The following SFI1 variants were observed in gnomAD, a reference collection of about 807,000 sequenced individuals.
SFI1 encodes SFI1 centrin binding protein, also known as protein SFI1 homolog.
A neutral mutation model predicts 207.5 loss-of-function variants in SFI1; 195 were observed. The observed-to-expected ratio is 0.94, with a 90% CI of 0.84 to 1.06. The LOEUF is 1.06. Among genes scored for constraint, SFI1 ranks in the 50% least tolerant of loss-of-function variants. The probability of loss-of-function intolerance (pLI) is 0.00; values close to 1 mark genes in which losing one functional copy is unlikely to be tolerated. For synonymous variants in SFI1, 630 were observed against 598.9 expected, an observed-to-expected ratio of 1.05 and a Z score of -0.76; for missense variants, 1,634 against 1,588.0, an observed-to-expected ratio of 1.03 and a Z score of -0.49.
At chr22:31,617,472 G>A (rs1246419698) in intron 31 of SFI1, among the ~76,000 whole-genome samples, 1 of 152,134 alleles carries the variant, frequency 6.6e-6, no homozygotes, top group Non-Finnish European at 1.5e-5. Flanking sequence ...TGTCATCCCA[G>A]CACTTTGAGA....
intron 6 of SFI1, among the ~76,000 whole-genome samples, chr22:31,553,818 A>AT (rs1336548883): frequency 5.6e-4 from 13 of 23,402 alleles, no homozygotes; most frequent in East Asian, 4.0e-3. Flanking sequence ...AGTCCATTCT[A>AT]TTTTTTTTTA....
chr22:31,587,029 A>G (rs998273425), intron 14 of SFI1, among the ~76,000 whole-genome samples: 2 of 152,188 alleles, frequency 1.3e-5, no homozygotes, highest in Non-Finnish European at 2.9e-5. Flanking sequence ...CTTCCTTTTT[A>G]AAAAGTAACA....
At chr22:31,603,682 C>T (rs2068493035) in intron 17 of SFI1, 62 bp from the exon 18 acceptor site, 1 of 1,379,234 alleles carries the variant, frequency 7.3e-7, no homozygotes, top group African/African-American at 1.5e-5. Flanking sequence ...TGAGGAGGAA[C>T]CCATAGAGGG....
intron 4 of SFI1, among the ~76,000 whole-genome samples, chr22:31,533,149 C>T (rs2058678936): frequency 6.6e-6 from 1 of 152,126 alleles, no homozygotes; most frequent in South Asian, 2.1e-4. Context: ...CAGGAGCTAG[C>T]CCAGGTTTCC....
Position 31,602,774 on chromosome 22 carries a change from G to A in SFI1, c.1794G>A (p.Gly598=). 1 of 1,613,478 alleles carries A rather than the reference G, an allele frequency of 6.2e-7. No individual in the cohort carries two copies. Among genetic ancestry groups the A allele is most frequent in the Non-Finnish European group, 8.5e-7 (1 of 1,179,972 alleles). ...AFCLWRESAQ[G]LRTERTGRVR... is the part of the protein sequence containing the mutation. Reference sequence around the variant, plus strand: ...GCCTCTGGAGGGAAAGTGCCCAAGGGCTCAGAACAGAGTGAGTGGCCAGTT... The same window carrying A: ...GCCTCTGGAGGGAAAGTGCCCAAGGACTCAGAACAGAGTGAGTGGCCAGTT... Residue 598 remains glycine (G), a synonymous_variant, in exon 17 of 33, where the codon GGG becomes GGA. Transcript: ENST00000400288.
intron 1 of SFI1, among the ~76,000 whole-genome samples, chr22:31,499,031 A>T (rs1025314265): frequency 6.0e-5 from 9 of 151,100 alleles, no homozygotes; most frequent in Non-Finnish European, 1.3e-4. Context: ...TTGTTTTCAG[A>T]CAGGGTCTTG....
At chr22:31,505,354 G>A (rs1056439889) in intron 1 of SFI1, among the ~76,000 whole-genome samples, 1 of 151,974 alleles carries the variant, frequency 6.6e-6, no homozygotes, top group Non-Finnish European at 1.5e-5. Context: ...CAGGAGAATC[G>A]GTTGAACCCG....
intron 31 of SFI1, 88 bp from the exon 32 acceptor site, chr22:31,618,027 C>G: frequency 1.4e-6 from 2 of 1,412,682 alleles, no homozygotes; most frequent in Non-Finnish European, 1.9e-6. Context: ...ATACCCGCAT[C>G]AGAATTAGCT....
chr22:31,546,906 G>C lies in SFI1; in HGVS notation c.384G>C (p.Trp128Cys). 6.2e-7 allele frequency: 1 copy of C among 1,612,586 alleles called. No individual in the cohort carries two copies. Among genetic ancestry groups the C allele is most frequent in the Non-Finnish European group, 8.5e-7 (1 of 1,179,376 alleles). Residue 128 changes from tryptophan (W) to cysteine (C), a missense_variant, in exon 5 of 33, where the codon TGG becomes TGC. By Grantham distance (215) the Trp-to-Cys change is radical (BLOSUM62 -2). Coordinates refer to ENST00000400288, the MANE Select transcript of SFI1 (RefSeq NM_001007467.3). ...TACTACGGAAGGTCTTCGAAGAATG[G>C]AAAGAGGAGTGGTGGGTTTTCCAGC... ...QRLLRKVFEE[W>C]KEEWWVFQHE...
At chr22:31,594,651 C>G (rs1319705828) in intron 15 of SFI1, among the ~76,000 whole-genome samples, 1 of 150,960 alleles carries the variant, frequency 6.6e-6, no homozygotes, top group African/African-American at 2.4e-5. Context: ...GTCAGGAGAT[C>G]AAGACCATCC....
rs1603308834 is a variant in SFI1 at position 31,602,433 on chromosome 22, C to G, written c.1626+140C>G. 20 of 1,132,624 alleles carry G rather than the reference C, an allele frequency of 1.8e-5. No individual in the cohort carries two copies. In the East Asian group the frequency reaches 4.5e-4, roughly 25 times the overall value. 70.2% of individuals were successfully genotyped at this position (1,132,624 alleles called of 1,614,324 possible). ...TGTGACTGTTGAGGCAGGGCAGGCTCTGGGGCATCTGTCCTTTCTCAGTGG... is the reference window on the plus strand; with the variant it reads ...TGTGACTGTTGAGGCAGGGCAGGCTGTGGGGCATCTGTCCTTTCTCAGTGG... On this transcript the variant is annotated intron_variant, in intron 16 of 32. Coordinates refer to ENST00000400288, the MANE Select transcript of SFI1 (RefSeq NM_001007467.3).
At chr22:31,575,598 A>G (rs2063394767) in intron 10 of SFI1, among the ~76,000 whole-genome samples, 1 of 152,238 alleles carries the variant, frequency 6.6e-6, no homozygotes. Flanking sequence ...AAATAATAAA[A>G]TGAACAACTA....
intron 15 of SFI1, among the ~76,000 whole-genome samples, chr22:31,601,337 A>G (rs1428143917): frequency 2.0e-5 from 3 of 152,000 alleles, no homozygotes; most frequent in Middle Eastern, 3.4e-3. Context: ...GTTAGGCAGG[A>G]TGGTCTCGAT....
chr22:31,593,076 CG>C (rs1281764578), intron 15 of SFI1, among the ~76,000 whole-genome samples: 4 of 131,004 alleles, frequency 3.1e-5, no homozygotes, highest in African/African-American at 8.7e-5. Flanking sequence ...GCTGGCCGGG[CG>C]GGGGGGCTGA....
chr22:31,599,227 A>G lies in SFI1; in HGVS notation c.1545-2985A>G, dbSNP rs1213175286. 2.0e-5 allele frequency among the ~76,000 whole-genome samples: 3 copies of G among 152,088 alleles called. No homozygotes were observed. In the East Asian group the frequency reaches 5.8e-4, roughly 29 times the overall value. ...AGTTTTAGCATTTACATTTAGGTCAATGATCATCTTGAATTTTTTTTCTAC... is the reference window on the plus strand; with the variant it reads ...AGTTTTAGCATTTACATTTAGGTCAGTGATCATCTTGAATTTTTTTTCTAC... On this transcript the variant is annotated intron_variant, in intron 15 of 32. Coordinates refer to ENST00000400288, the MANE Select transcript of SFI1 (RefSeq NM_001007467.3).
At chr22:31,510,354 C>T (rs2055316310) in intron 2 of SFI1, among the ~76,000 whole-genome samples, 1 of 152,062 alleles carries the variant, frequency 6.6e-6, no homozygotes, top group Admixed American at 6.6e-5. Flanking sequence ...GCTACCAAGC[C>T]TGGCCTCTTT....
At chr22:31,611,884 C>T (rs1279072272) in intron 24 of SFI1, 44 bp downstream of exon 24, 1 of 1,609,924 alleles carries the variant, frequency 6.2e-7, no homozygotes, top group Non-Finnish European at 8.5e-7. Context: ...CTTCTCCATC[C>T]TCTGGCCTGT....
chr22:31,575,012 T>G (rs1273293629), intron 9 of SFI1, among the ~76,000 whole-genome samples: 29 of 144,506 alleles, frequency 2.0e-4, no homozygotes, highest in Admixed American at 1.4e-3. Flanking sequence ...TGAGCCGAGA[T>G]CCCGCCACTG....
chr22:31,608,236 G>A (rs2069409587), intron 22 of SFI1, among the ~76,000 whole-genome samples: 1 of 152,194 alleles, frequency 6.6e-6, no homozygotes, highest in African/African-American at 2.4e-5. Context: ...CAGCGATCAA[G>A]GTGTGGCAGG....
Sources: allele counts gnomAD v4.1 joint callset (sites outside exome capture counted in the v4.1 genomes callset), GRCh38; gene constraint gnomAD v4.1.1; transcripts MANE v1.5; gene names NCBI Gene and HGNC (gene_info 2026-07-23, HGNC 2026-07-21).